Variants in ANKRD24 observed in about 807,000 individuals in gnomAD.
ANKRD24 encodes ankyrin repeat domain 24, also known as ankyrin repeat domain-containing protein 24.
Under a neutral mutation model 127.8 loss-of-function variants are expected in ANKRD24, and 109 were observed. That is an observed-to-expected ratio of 0.85 (90% CI 0.73 to 1.00). ANKRD24 has a LOEUF of 1.00. Ranked by LOEUF, ANKRD24 falls within the 50% of genes least tolerant of loss-of-function variation. The pLI, the probability that ANKRD24 is intolerant of heterozygous loss-of-function variation, is 0.00. For missense variants in ANKRD24, 1,648 were observed against 1,570.2 expected (o/e 1.05, Z -0.84); for synonymous variants, 743 against 671.1 (o/e 1.11, Z -1.66).
At chr19:4,186,864 G>A (rs1486346233) in intron 2 of ANKRD24, among the ~76,000 whole-genome samples, 2 of 152,190 alleles carry the variant, frequency 1.3e-5, no homozygotes, top group Admixed American at 6.5e-5. Flanking sequence ...TATAGCAGGC[G>A]CTGTTCCAGG....
chr19:4,216,540 C>T lies in ANKRD24; in HGVS notation c.1390-10C>T, dbSNP rs1240007734. The stretch of plus-strand genomic sequence containing the variant: ...CCTGCCAGACTCCTGCCCCCCACTC[C>T]ACTCCCCAGATCCTGGAGAACTTTG... On this transcript the variant is annotated splice_polypyrimidine_tract_variant and intron_variant, in intron 17 of 21. Transcript: ENST00000318934. The T allele has an allele frequency of 6.3e-7, 1 of 1,597,864 alleles. No individual in the cohort carries two copies. Among genetic ancestry groups the T allele is most frequent in the African/African-American group, 1.3e-5 (1 of 74,634 alleles).
intron 11 of ANKRD24, chr19:4,209,044 G>A: frequency 2.2e-6 from 1 of 445,714 alleles, no homozygotes; most frequent in Admixed American, 4.0e-5. Context: ...AGTGGGGACT[G>A]AGGTTGTTGA....
At chr19:4,187,684 A>G (rs752120052) in intron 2 of ANKRD24, among the ~76,000 whole-genome samples, 4 of 152,220 alleles carry the variant, frequency 2.6e-5, no homozygotes, top group Non-Finnish European at 1.5e-5. Context: ...GGGACAGGCA[A>G]TCAGCCTTCC....
In ANKRD24 at chr19:4,199,716, C is replaced by A; in HGVS notation, c.70C>A (p.Pro24Thr). 6.5e-7 allele frequency: 1 copy of A among 1,538,674 alleles called. No individual in the cohort carries two copies. The highest frequency in any genetic ancestry group is 8.7e-7 in the Non-Finnish European group (1 of 1,145,040). Residue 24 changes from proline to threonine, a missense_variant, in exon 3 of 22, where the codon CCG becomes ACG. Pro to Thr is a conservative substitution (Grantham distance 38). Coordinates refer to ENST00000318934, the MANE Select transcript of ANKRD24 (RefSeq NM_001393985.1). The surrounding 1 kb of genome is among the most constrained non-coding windows in gnomAD (Gnocchi z 5.2). ...CAGCCCCACTGACCTTGGCTCCTGC[C>A]CGCCCTGCGGCCCCTGCCCCATCCC... ...RLSPTDLGSC[P>T]PCGPCPIPKP...
In ANKRD24 at chr19:4,217,413, G is replaced by A. The variant is rs1264883405; in HGVS notation, c.2253G>A (p.Leu751=). The A allele has an allele frequency of 6.5e-6, 10 of 1,548,596 alleles. No individual in the cohort carries two copies. Among genetic ancestry groups the A allele is most frequent in the Admixed American group, 5.9e-5 (3 of 50,596 alleles). The stretch of plus-strand genomic sequence containing the variant: ...CAGCTGCGGAGCTGGAGGCGGCCCT[G>A]GGGAAGTGCGAGGCCGCGGAGGCCG... The part of the protein sequence containing the change: ...REAAAELEAA[L]GKCEAAEAEA... Residue 751 remains leucine (L), a synonymous_variant, in exon 18 of 22, where the codon CTG becomes CTA. Transcript: ENST00000318934.
intron 2 of ANKRD24, among the ~76,000 whole-genome samples, chr19:4,196,649 A>C (rs887489829): frequency 6.6e-6 from 1 of 152,166 alleles, no homozygotes; most frequent in Non-Finnish European, 1.5e-5. Flanking sequence ...TTTTGGGATT[A>C]CAGGCGTGAG....
chr19:4,207,021 T>G (rs571189328), intron 7 of ANKRD24: 71 of 578,662 alleles, frequency 1.2e-4, no homozygotes, highest in Non-Finnish European at 1.9e-4. Flanking sequence ...TCCTCCCGCT[T>G]CAGCTGGGGA....
chr19:4,223,998 C>G, intron 20 of ANKRD24, 129 bp from the exon 21 acceptor site: 3 of 709,260 alleles, frequency 4.2e-6, no homozygotes, highest in Non-Finnish European at 6.9e-6. Flanking sequence ...CTATGCCCCG[C>G]CATATTTTCA....
chr19:4,207,745 T>C, intron 9 of ANKRD24, 36 bp from the exon 10 acceptor site: 1 of 1,566,722 alleles, frequency 6.4e-7, no homozygotes, highest in Non-Finnish European at 8.7e-7. Context: ...GCTTGGGGGA[T>C]GTTCTCATCT....
intron 21 of ANKRD24, 87 bp downstream of exon 21, chr19:4,224,279 G>T: frequency 6.9e-7 from 1 of 1,446,284 alleles, no homozygotes; most frequent in Non-Finnish European, 9.5e-7. Flanking sequence ...TGTACAGTGG[G>T]AGGCTGGTCT....
Position 4,217,407 on chromosome 19 carries a change from G to A in ANKRD24, c.2247G>A (p.Ala749=), listed in dbSNP as rs772827637. 15 of 1,549,260 alleles carry A rather than the reference G, an allele frequency of 9.7e-6. No individual in the cohort carries two copies. The African/African-American group carries it at 1.2e-4, about 13-fold the overall frequency. ...REREAAAELE[A]ALGKCEAAEA... ...GGGAGGCAGCTGCGGAGCTGGAGGC[G>A]GCCCTGGGGAAGTGCGAGGCCGCGG... Residue 749 remains alanine, a synonymous_variant, in exon 18 of 22, where the codon GCG becomes GCA. Transcript: ENST00000318934.
Position 4,209,417 on chromosome 19 carries a change from G to GT in ANKRD24, c.870+628dup, listed in dbSNP as rs368782082. Among the ~76,000 whole-genome samples the GT allele has an allele frequency of 2.1e-3, 297 of 142,800 alleles. 1 individual carries two copies. The highest frequency in any genetic ancestry group is 8.2e-3 in the East Asian group (40 of 4,860). The allele number at this position is 142,800 out of a possible 152,430, so 93.7% of individuals were successfully genotyped here. A position where few individuals can be genotyped will look rare whatever the true frequency, so the allele number is the denominator to read the frequency against. Reference sequence around the variant, plus strand: ...GCCACTGAGCGCGACCCCTCTCCTAGTTTTTTTTTTTTGTTGTTGTTGTTG... The same window carrying GT: ...GCCACTGAGCGCGACCCCTCTCCTAGTTTTTTTTTTTTTGTTGTTGTTGTTG... On this transcript the variant is annotated intron_variant, in intron 11 of 21. Coordinates refer to ENST00000318934, the MANE Select transcript of ANKRD24 (RefSeq NM_001393985.1).
intron 2 of ANKRD24, among the ~76,000 whole-genome samples, chr19:4,194,311 C>T (rs1375308296): frequency 6.6e-6 from 1 of 152,134 alleles, no homozygotes; most frequent in Non-Finnish European, 1.5e-5. Flanking sequence ...CACCACCGTG[C>T]CCAGCTAATT....
Position 4,224,737 on chromosome 19 carries a change from C to T in ANKRD24, c.*232C>T. 3.5e-6 allele frequency: 2 copies of T among 568,258 alleles called. No homozygotes were observed. Among genetic ancestry groups the T allele is most frequent in the South Asian group, 2.1e-5 (1 of 47,412 alleles). 35.2% of individuals were successfully genotyped at this position (568,258 alleles called of 1,614,324 possible). A position where few individuals can be genotyped will look rare whatever the true frequency, so the allele number is the denominator to read the frequency against. Reference sequence around the variant, plus strand: ...ACCCGGGCCGTGACTGCCCCTCCCCCACCACCGGAGACTGTGATTCCCTGT... The same window carrying T: ...ACCCGGGCCGTGACTGCCCCTCCCCTACCACCGGAGACTGTGATTCCCTGT... On this transcript the variant is annotated 3_prime_UTR_variant, in exon 22 of 22. Coordinates refer to ENST00000318934, the MANE Select transcript of ANKRD24 (RefSeq NM_001393985.1).
Position 4,207,311 on chromosome 19 carries a change from G to T in ANKRD24, c.536G>T (p.Arg179Leu), listed in dbSNP as rs757428983. 9 of 1,613,486 alleles carry T rather than the reference G, an allele frequency of 5.6e-6. No individual in the cohort carries two copies. Among genetic ancestry groups the T allele is most frequent in the Non-Finnish European group, 8.5e-7 (1 of 1,179,658 alleles). Reference sequence around the variant, plus strand: ...AAGGCACATCTAAACCCCCAAGATCGGGTAAGCTTCTGGGATCTCTTCAGG... The same window carrying T: ...AAGGCACATCTAAACCCCCAAGATCTGGTAAGCTTCTGGGATCTCTTCAGG... ...SFKAHLNPQD[R>L]SGATPLIIAA... Residue 179 changes from arginine (R) to leucine (L), a missense_variant and splice_region_variant, in exon 8 of 22, where the codon CGG becomes CTG. Coordinates refer to ENST00000318934, the MANE Select transcript of ANKRD24 (RefSeq NM_001393985.1).
In ANKRD24 at chr19:4,217,373, A is replaced by T. The variant is rs1164395121; in HGVS notation, c.2213A>T (p.Gln738Leu). ...CGTGGCTTGGAGGAGGCTCTCCGGCAGCGGGAGCGGGAGGCAGCTGCGGAG... is the reference window on the plus strand; with the variant it reads ...CGTGGCTTGGAGGAGGCTCTCCGGCTGCGGGAGCGGGAGGCAGCTGCGGAG... The part of the protein sequence containing the change: ...RIRGLEEALR[Q>L]REREAAAELE... The change falls in exon 18 of 22, where the codon CAG becomes CTG. Residue 738 changes from glutamine to leucine, a missense_variant. Physicochemically the swap from Gln to Leu is moderately radical, Grantham distance 113. Transcript: ENST00000318934. 1.3e-6 allele frequency: 2 copies of T among 1,550,604 alleles called. No individual in the cohort carries two copies. The highest frequency in any genetic ancestry group is 1.2e-5 in the South Asian group (1 of 84,056).
chr19:4,214,463 C>A (rs982301955), intron 15 of ANKRD24, among the ~76,000 whole-genome samples: 1 of 152,078 alleles, frequency 6.6e-6, no homozygotes, highest in African/African-American at 2.4e-5. Context: ...TGAAAACACA[C>A]AATTATGCAA....
intron 21 of ANKRD24, 74 bp from the exon 22 acceptor site, chr19:4,224,354 A>G (rs1203269088): frequency 2.6e-6 from 4 of 1,532,282 alleles, no homozygotes; most frequent in African/African-American, 2.8e-5. Flanking sequence ...GGCTTGGTCT[A>G]TGGGAGTGGT....
In ANKRD24 at chr19:4,224,494, C is replaced by T; in HGVS notation, c.3430C>T (p.Gln1144Ter). ...TCTGCAGATGCAGAGACTCCAGGCT[C>T]AGGGCCGCTGAGAAAGGCCAGGCCC... Reference protein sequence around the residue: ...QILQMQRLQAQGR With the variant: ...QILQMQRLQA The change falls in exon 22 of 22, where the codon CAG becomes TAG. Residue 1144 changes from glutamine (Q) to a stop codon, truncating the protein, a stop_gained. Transcript: ENST00000318934. LOFTEE classifies it high-confidence loss of function. 1.9e-6 allele frequency: 3 copies of T among 1,609,218 alleles called. No individual in the cohort carries two copies. Among genetic ancestry groups the T allele is most frequent in the Non-Finnish European group, 2.5e-6 (3 of 1,177,946 alleles).
Sources: allele counts gnomAD v4.1 joint callset (sites outside exome capture counted in the v4.1 genomes callset), GRCh38; gene constraint gnomAD v4.1.1; non-coding constraint Gnocchi (gnomAD v3.1); transcripts MANE v1.5; gene names NCBI Gene and HGNC (gene_info 2026-07-23, HGNC 2026-07-21).